The following OR6P1 variants were observed in gnomAD, a reference collection of about 807,000 sequenced individuals.
OR6P1 encodes the protein olfactory receptor 6P1.
A neutral mutation model predicts 6.6 loss-of-function variants in OR6P1; 5 were observed. The observed-to-expected ratio is 0.76, with a 90% CI of 0.40 to 1.60. The LOEUF is 1.60. OR6P1 is among the 40% of genes most tolerant of loss of function. OR6P1 has a pLI of 0.02. For missense variants in OR6P1, 451 were observed against 383.0 expected, an observed-to-expected ratio of 1.18 and a Z score of -1.48; for synonymous variants, 177 against 149.6, an observed-to-expected ratio of 1.18 and a Z score of -1.33.
intron 2 of OR6P1, among the ~76,000 whole-genome samples, chr1:158,565,581 TA>T (rs921698956): frequency 4.3e-4 from 65 of 151,484 alleles, no homozygotes; most frequent in African/African-American, 1.4e-3. Flanking sequence ...TACATTTACC[TA>T]AAGCAATATA....
rs543992461 is a variant in OR6P1 at position 158,566,729 on chromosome 1, T to A, written c.-23+35A>T. 7.2e-5 allele frequency: 11 copies of A among 152,288 alleles called. No homozygotes were observed. The South Asian group carries it at 2.1e-3, about 29-fold the overall frequency. 9.4% of individuals were successfully genotyped at this position (152,288 alleles called of 1,614,324 possible). A position where few individuals can be genotyped will look rare whatever the true frequency, so the allele number is the denominator to read the frequency against. On this transcript the variant is annotated intron_variant, in intron 2 of 2. Coordinates refer to ENST00000641540, the MANE Select transcript of OR6P1 (RefSeq NM_001160325.2). ...GAAAACTAGGGTTCTTTTCCAGTTA[T>A]TGCACTGCATAAAATTGGTGAAATT...
chr1:158,564,678 A>C (rs1648052953), intron 2 of OR6P1, among the ~76,000 whole-genome samples: 2 of 152,184 alleles, frequency 1.3e-5, no homozygotes, highest in South Asian at 4.1e-4. Context: ...CCTTGAATTG[A>C]GCCAAGTGAT....
intron 1 of OR6P1, 139 bp from the exon 2 acceptor site, chr1:158,566,997 A>C (rs893955408): frequency 1.3e-5 from 2 of 152,188 alleles, no homozygotes; most frequent in Admixed American, 1.3e-4. Context: ...ATGAAGAGAC[A>C]CTTCTCAAAA....
At chr1:158,564,400 G>C (rs1450574439) in intron 2 of OR6P1, among the ~76,000 whole-genome samples, 2 of 152,054 alleles carry the variant, frequency 1.3e-5, no homozygotes, top group African/African-American at 4.8e-5. Flanking sequence ...TTGAGATGGA[G>C]GGCTTATCCT....
chr1:158,567,946 G>A (rs1242244893), intron 1 of OR6P1, among the ~76,000 whole-genome samples: 1 of 152,056 alleles, frequency 6.6e-6, no homozygotes, highest in Non-Finnish European at 1.5e-5. Flanking sequence ...CTGCAAGTTG[G>A]TCCCCTTGTG....
chr1:158,566,188 T>A (rs961005606), intron 2 of OR6P1, among the ~76,000 whole-genome samples: 1 of 152,102 alleles, frequency 6.6e-6, no homozygotes, highest in Non-Finnish European at 1.5e-5. Context: ...GCAGATCAAT[T>A]TTAAGAGCTC....
chr1:158,569,048 G>A (rs1648176236), intron 1 of OR6P1, among the ~76,000 whole-genome samples: 2 of 152,162 alleles, frequency 1.3e-5, no homozygotes, highest in South Asian at 4.1e-4. Context: ...CATTTCAGGG[G>A]TGGAATGTCG....
intron 2 of OR6P1, among the ~76,000 whole-genome samples, chr1:158,565,688 C>T (rs1284205026): frequency 6.6e-6 from 1 of 151,860 alleles, no homozygotes; most frequent in Admixed American, 6.6e-5. Context: ...TGCTTTTGTC[C>T]AATGTTTGCG....
At position 158,562,505 on chromosome 1, in the gene OR6P1, G is replaced by C. The variant is rs7534319; in HGVS notation, c.*146C>G. 0.49 allele frequency: 293,607 copies of C among 603,750 alleles called. 72,772 individuals carry two copies. The highest frequency in any genetic ancestry group is 0.62 in the African/African-American group (33,231 of 53,786). 37.4% of individuals were successfully genotyped at this position (603,750 alleles called of 1,614,324 possible). ...CTGTAAAAAATAAATGATTCATAAA[G>C]TTTCATTTGTATCAGAAGGTCCCAG... On this transcript the variant is annotated 3_prime_UTR_variant, in exon 3 of 3. Transcript: ENST00000641540.
Position 158,563,170 on chromosome 1 carries a change from A to T in OR6P1, c.435T>A (p.Ala145=). The T allele has an allele frequency of 1.3e-6, 2 of 1,551,586 alleles. No homozygotes were observed. Among genetic ancestry groups the T allele is most frequent in the Non-Finnish European group, 1.7e-6 (2 of 1,146,962 alleles). ...LMPSSLATRL[A]AASWGSGFFS... The stretch of plus-strand genomic sequence containing the variant: ...AGAAGCCACTGCCCCAAGAGGCAGC[A>T]GCAAGGCGAGTGGCCAGACTGGAAG... Residue 145 remains alanine (A), a synonymous_variant, in exon 3 of 3, where the codon GCT becomes GCA. Coordinates refer to ENST00000641540, the MANE Select transcript of OR6P1 (RefSeq NM_001160325.2).
intron 2 of OR6P1, among the ~76,000 whole-genome samples, chr1:158,565,928 T>C (rs1436270448): frequency 6.6e-6 from 1 of 152,212 alleles, no homozygotes; most frequent in East Asian, 1.9e-4. Flanking sequence ...ATCAAAATTA[T>C]TTTCATTCAT....
intron 1 of OR6P1, among the ~76,000 whole-genome samples, chr1:158,567,884 C>T (rs540877915): frequency 5.6e-4 from 85 of 152,096 alleles, no homozygotes; most frequent in Non-Finnish European, 1.0e-3. Flanking sequence ...GGAAGCCAAT[C>T]CTGCTCTGTA....
Position 158,562,732 on chromosome 1 carries a change from G to A in OR6P1, c.873C>T (p.Cys291=), listed in dbSNP as rs193300624. Residue 291 remains cysteine (C), a synonymous_variant, in exon 3 of 3, where the codon TGC becomes TGT. Transcript: ENST00000641540. ...CCTCCTTCACCTCCTTGTTCCTCAG[G>A]CAGTAGATGGCTGGGTTGAAGAATG... ...IVPFFNPAIY[C]LRNKEVKEAF... is the part of the protein sequence containing the mutation. 4.8e-5 allele frequency: 75 copies of A among 1,560,988 alleles called. No individual in the cohort carries two copies. The Admixed American group carries it at 1.1e-3, about 24-fold the overall frequency.
rs200912715 is a variant in OR6P1 at position 158,562,657 on chromosome 1, C to G, written c.948G>C (p.Gln316His). 1 of 1,546,428 alleles carries G rather than the reference C, an allele frequency of 6.5e-7. No homozygotes were observed. Among genetic ancestry groups the G allele is most frequent in the East Asian group, 2.4e-5 (1 of 40,934 alleles). Residue 316 changes from glutamine to histidine, a missense_variant, in exon 3 of 3, where the codon CAG (glutamine) becomes CAC (histidine). Gln to His is a conservative substitution (Grantham distance 24, BLOSUM62 0). Transcript: ENST00000641540. ...TCCCAAGACCTGTTGTATATCAGTC[C>G]TGAACATCCCTAGGATAGTGACATC... is the stretch of plus-strand genomic sequence containing the variant. Reference protein sequence around the residue: ...MGRCHYPRDVQD With the variant: ...MGRCHYPRDVHD
chr1:158,563,549 G>T lies in OR6P1; in HGVS notation c.56C>A (p.Thr19Asn). The change falls in exon 3 of 3, where the codon ACC becomes AAC. Residue 19 changes from threonine to asparagine, a missense_variant. Physicochemically the swap from Thr to Asn is moderately conservative, Grantham distance 65. Coordinates refer to ENST00000641540, the MANE Select transcript of OR6P1 (RefSeq NM_001160325.2). ...VEEFVLVGFP[T>N]TPPLQLLLFV... is the part of the protein sequence containing the mutation. ...GAGGAGCAGCTGGAGGGGAGGCGTGGTAGGGAAACCCACCAAGACAAACTC... is the reference window on the plus strand; with the variant it reads ...GAGGAGCAGCTGGAGGGGAGGCGTGTTAGGGAAACCCACCAAGACAAACTC... 6.4e-7 allele frequency: 1 copy of T among 1,550,950 alleles called. No homozygotes were observed.
intron 1 of OR6P1, among the ~76,000 whole-genome samples, chr1:158,567,973 C>A (rs114886669): frequency 2.0e-5 from 3 of 152,036 alleles, no homozygotes; most frequent in African/African-American, 4.8e-5. Context: ...GGTGCCTATA[C>A]CCCTCCCTCC....
chr1:158,563,511 A>T lies in OR6P1; in HGVS notation c.94T>A (p.Phe32Ile). ...AACAATGTCAGAAGGTAAATTGCAA[A>T]AAAAAGGACAAAGAGGAGCAGCTGG... Reference protein sequence around the residue: ...PLQLLLFVLFFAIYLLTLLEN... With the variant: ...PLQLLLFVLFIAIYLLTLLEN... Residue 32 changes from phenylalanine to isoleucine, a missense_variant, in exon 3 of 3, where the codon TTT becomes ATT. Coordinates refer to ENST00000641540, the MANE Select transcript of OR6P1 (RefSeq NM_001160325.2). 5 of 1,551,564 alleles carry T rather than the reference A, an allele frequency of 3.2e-6. No individual in the cohort carries two copies. The highest frequency in any genetic ancestry group is 4.4e-6 in the Non-Finnish European group (5 of 1,146,978).
In OR6P1 at chr1:158,563,488, C is replaced by A; in HGVS notation, c.117G>T (p.Leu39Phe). The A allele has an allele frequency of 6.4e-7, 1 of 1,551,158 alleles. No individual in the cohort carries two copies. Among genetic ancestry groups the A allele is most frequent in the Non-Finnish European group, 8.7e-7 (1 of 1,146,816 alleles). ...VLFFAIYLLT[L>F]LENALIVFTI... ...TGAAGACAATAAGTGCATTCTCCAACAATGTCAGAAGGTAAATTGCAAAAA... is the reference window on the plus strand; with the variant it reads ...TGAAGACAATAAGTGCATTCTCCAAAAATGTCAGAAGGTAAATTGCAAAAA... The change falls in exon 3 of 3, where the codon TTG becomes TTT. Residue 39 changes from leucine (L) to phenylalanine (F), a missense_variant. Physicochemically the swap from Leu to Phe is conservative, Grantham distance 22. Transcript: ENST00000641540.
At chr1:158,566,632 A>T (rs1243216869) in intron 2 of OR6P1, 132 bp downstream of exon 2, 2 of 152,166 alleles carry the variant, frequency 1.3e-5, no homozygotes, top group East Asian at 1.9e-4. Flanking sequence ...TTCAGTCTTG[A>T]TTTGTTTAGT....
Sources: allele counts gnomAD v4.1 joint callset (sites outside exome capture counted in the v4.1 genomes callset), GRCh38; gene constraint gnomAD v4.1.1; transcripts MANE v1.5; gene names NCBI Gene and HGNC (gene_info 2026-07-23, HGNC 2026-07-21).